NRXN3: variants seen among roughly 807,000 people sequenced by gnomAD.
NRXN3 encodes the protein neurexin 3, also known as neurexin III.
Under a neutral mutation model 137.6 loss-of-function variants are expected in NRXN3, and 32 were observed. That is an observed-to-expected ratio of 0.23 (90% CI 0.18 to 0.31). The LOEUF is 0.31. Among genes scored for constraint, NRXN3 ranks in the 10% least tolerant of loss-of-function variants. The probability of loss-of-function intolerance (pLI) is 1.00; values close to 1 mark genes in which losing one functional copy is unlikely to be tolerated. For missense variants in NRXN3, 1,574 were observed against 2,062.5 expected, an observed-to-expected ratio of 0.76 and a Z score of 4.59; for synonymous variants, 798 against 784.5, an observed-to-expected ratio of 1.02 and a Z score of -0.29.
intron 17 of NRXN3, among the ~76,000 whole-genome samples, chr14:79,672,872 G>T (rs1179581785): frequency 6.6e-6 from 1 of 152,018 alleles, no homozygotes; most frequent in Non-Finnish European, 1.5e-5. Flanking sequence ...TTTTGCACAA[G>T]GTTGCAGAGT....
At position 78,926,656 on chromosome 14, in the gene NRXN3, TATTTA is replaced by T. The variant is rs1465102238; in HGVS notation, c.2276-30585_2276-30581del. 3.1e-3 allele frequency among the ~76,000 whole-genome samples: 249 copies of T among 79,822 alleles called. 2 individuals are homozygous for T. Among genetic ancestry groups the T allele is most frequent in the Middle Eastern group, 9.6e-3 (2 of 208 alleles). The allele number at this position is 79,822 out of a possible 152,430, so 52.4% of individuals were successfully genotyped here. ...AATATATATTTATATATAATATATA[TATTTA>T]TTATATATATAATTATATATTATGT... On this transcript the variant is annotated intron_variant, in intron 10 of 20. Transcript: ENST00000335750.
chr14:78,924,512 C>T (rs2099279673), intron 10 of NRXN3, among the ~76,000 whole-genome samples: 1 of 152,166 alleles, frequency 6.6e-6, no homozygotes, highest in African/African-American at 2.4e-5. Flanking sequence ...TTAACCCCCA[C>T]TCTTCCAGTT....
chr14:79,708,982 TGAGAGAGAGAGA>T (rs142447936), intron 19 of NRXN3, among the ~76,000 whole-genome samples: 1 of 150,164 alleles, frequency 6.7e-6, no homozygotes, highest in African/African-American at 2.4e-5. Flanking sequence ...TGTGTGTGTG[TGAGAGAGAGAGA>T]GAGAGACAGG....
intron 20 of NRXN3, among the ~76,000 whole-genome samples, chr14:79,849,136 TA>T (rs1262170774): frequency 6.6e-6 from 1 of 152,190 alleles, no homozygotes; most frequent in East Asian, 1.9e-4. Flanking sequence ...ACCCATGCTG[TA>T]GTGTAAGTCA....
intron 10 of NRXN3, among the ~76,000 whole-genome samples, chr14:78,935,483 T>C (rs1167766843): frequency 6.6e-6 from 1 of 152,128 alleles, no homozygotes; most frequent in South Asian, 2.1e-4. Flanking sequence ...ATGTAACCTA[T>C]GCCCACCCTC....
At chr14:78,409,296 C>T (rs2092686771) in intron 4 of NRXN3, among the ~76,000 whole-genome samples, 1 of 122,998 alleles carries the variant, frequency 8.1e-6, no homozygotes, top group East Asian at 2.2e-4. Flanking sequence ...CACAACAAGC[C>T]TATAAGACTC....
intron 10 of NRXN3, among the ~76,000 whole-genome samples, chr14:78,863,375 G>T (rs913863761): frequency 2.0e-5 from 3 of 152,110 alleles, no homozygotes; most frequent in Admixed American, 1.3e-4. Flanking sequence ...CTGCAACTCA[G>T]TCCCCTTAGT....
At chr14:79,717,949 C>G (rs1184673605) in intron 19 of NRXN3, among the ~76,000 whole-genome samples, 1 of 152,098 alleles carries the variant, frequency 6.6e-6, no homozygotes, top group African/African-American at 2.4e-5. Flanking sequence ...GACCCATCAC[C>G]CTTGTAGACT....
At chr14:79,354,455 T>C (rs1263846569) in intron 15 of NRXN3, among the ~76,000 whole-genome samples, 1 of 152,186 alleles carries the variant, frequency 6.6e-6, no homozygotes, top group African/African-American at 2.4e-5. Flanking sequence ...TTTTAGTCCA[T>C]GAAACCTGAG....
At chr14:78,944,640 G>A (rs1001349147) in intron 10 of NRXN3, among the ~76,000 whole-genome samples, 2 of 152,140 alleles carry the variant, frequency 1.3e-5, no homozygotes, top group Non-Finnish European at 2.9e-5. Context: ...GTAAGCCAAG[G>A]AATATCAAGG....
intron 14 of NRXN3, among the ~76,000 whole-genome samples, chr14:78,968,710 G>A (rs2099428657): frequency 6.6e-6 from 1 of 152,142 alleles, no homozygotes; most frequent in South Asian, 2.1e-4. Flanking sequence ...CATGATGAGG[G>A]GAAAACCAGA....
chr14:78,374,023 G>T (rs2087345878), intron 4 of NRXN3, among the ~76,000 whole-genome samples: 1 of 152,200 alleles, frequency 6.6e-6, no homozygotes, highest in African/African-American at 2.4e-5. Flanking sequence ...AAGTTAGACA[G>T]TTGGAATCCC....
chr14:79,568,983 T>G (rs1419170980), intron 16 of NRXN3, among the ~76,000 whole-genome samples: 1 of 152,116 alleles, frequency 6.6e-6, no homozygotes, highest in Non-Finnish European at 1.5e-5. Context: ...ATAATTGCTA[T>G]GTTGATGGGA....
chr14:78,917,392 T>C (rs905615307), intron 10 of NRXN3, among the ~76,000 whole-genome samples: 4 of 152,194 alleles, frequency 2.6e-5, no homozygotes, highest in Non-Finnish European at 5.9e-5. Flanking sequence ...AACTGATCTG[T>C]GCAACAAATC....
At chr14:78,533,329 G>T (rs867441930) in intron 4 of NRXN3, among the ~76,000 whole-genome samples, 1 of 151,570 alleles carries the variant, frequency 6.6e-6, no homozygotes, top group Non-Finnish European at 1.5e-5. Flanking sequence ...CAGGTGATCC[G>T]CCCGCCTCAG....
In NRXN3 at chr14:78,709,228, G is replaced by A; in HGVS notation, c.1233G>A (p.Lys411=). The change falls in exon 7 of 21, where the codon AAG becomes AAA. Residue 411 remains lysine (K), a synonymous_variant. Transcript: ENST00000335750. ...FMGCLKEVVY[K]NNDIRLELSR... ...TTGGCTTTTGACAGGTTGTTTATAA[G>A]AATAATGACATCCGTCTGGAGCTGT... is the stretch of plus-strand genomic sequence containing the variant. The A allele has an allele frequency of 6.2e-7, 1 of 1,612,118 alleles. No individual in the cohort carries two copies. Among genetic ancestry groups the A allele is most frequent in the Non-Finnish European group, 8.5e-7 (1 of 1,179,086 alleles).
At chr14:79,330,668 C>T (rs113521189) in intron 15 of NRXN3, among the ~76,000 whole-genome samples, 6 of 152,026 alleles carry the variant, frequency 3.9e-5, no homozygotes, top group African/African-American at 9.7e-5. Flanking sequence ...ATTAGACCAG[C>T]GACAGCAGAT....
At chr14:79,375,377 G>A (rs190235808) in intron 15 of NRXN3, among the ~76,000 whole-genome samples, 60 of 151,612 alleles carry the variant, frequency 4.0e-4, no homozygotes, top group African/African-American at 1.4e-3. Context: ...ACTCTGCAGG[G>A]AAATGACATA....
chr14:78,815,479 C>CTTTTTTTTTTTTTTTTT (rs61411777), intron 10 of NRXN3, among the ~76,000 whole-genome samples: 39 of 84,440 alleles, frequency 4.6e-4, no homozygotes, highest in Non-Finnish European at 5.8e-4. Flanking sequence ...TTGTTTCTTT[C>CTTTTTTTTTTTTTTTTT]TTTTTTTTTT....
Sources: allele counts gnomAD v4.1 joint callset (sites outside exome capture counted in the v4.1 genomes callset), GRCh38; gene constraint gnomAD v4.1.1; transcripts MANE v1.5; gene names NCBI Gene and HGNC (gene_info 2026-07-23, HGNC 2026-07-21).